Variants in DLG1 observed in about 807,000 individuals in gnomAD.
DLG1 encodes the protein disks large homolog 1.
In DLG1, 42 loss-of-function variants were observed where a neutral mutation model predicts 123.4. That is an observed-to-expected ratio of 0.34 (90% CI 0.27 to 0.44). The LOEUF is 0.44. Among genes scored for constraint, DLG1 ranks in the 20% least tolerant of loss-of-function variants. The pLI is 1.00. For synonymous variants in DLG1, 317 were observed against 356.2 expected (o/e 0.89, Z 1.24); for missense variants, 942 against 1,082.6 (o/e 0.87, Z 1.82).
intron 5 of DLG1, among the ~76,000 whole-genome samples, chr3:197,186,983 T>C (rs536183253): frequency 6.6e-6 from 1 of 152,344 alleles, no homozygotes; most frequent in African/African-American, 2.4e-5. Context: ...ACAAAGCTAA[T>C]GTAACGTAAA....
intron 18 of DLG1, chr3:197,070,979 T>C (rs1175313733): frequency 1.3e-5 from 2 of 152,226 alleles, no homozygotes; most frequent in Non-Finnish European, 2.9e-5. Flanking sequence ...ATTAGATTGA[T>C]ACATTATTTA....
intron 4 of DLG1, among the ~76,000 whole-genome samples, chr3:197,239,817 C>T (rs1747919114): frequency 7.3e-6 from 1 of 137,690 alleles, no homozygotes; most frequent in African/African-American, 2.8e-5. Context: ...TATGAAGATG[C>T]GACAGTTCAG....
At chr3:197,071,841 G>A (rs1744151485) in intron 18 of DLG1, among the ~76,000 whole-genome samples, 1 of 152,088 alleles carries the variant, frequency 6.6e-6, no homozygotes, top group Admixed American at 6.6e-5. Flanking sequence ...CTAGGAATGG[G>A]CAAACTGGTA....
chr3:197,053,306 G>C (rs1340726577), intron 23 of DLG1, among the ~76,000 whole-genome samples: 4 of 152,178 alleles, frequency 2.6e-5, no homozygotes, highest in Non-Finnish European at 4.4e-5. Context: ...CGTAAGGGAG[G>C]ACTACAGGTA....
intron 4 of DLG1, among the ~76,000 whole-genome samples, chr3:197,227,745 C>T (rs1476102558): frequency 6.6e-6 from 1 of 152,156 alleles, no homozygotes; most frequent in Middle Eastern, 3.2e-3. Context: ...CTGTTCCATT[C>T]CTACTTATGT....
chr3:197,060,162 G>C (rs899006526), intron 22 of DLG1, among the ~76,000 whole-genome samples, 164 bp from the exon 23 acceptor site: 5 of 152,296 alleles, frequency 3.3e-5, no homozygotes, highest in African/African-American at 1.2e-4. Context: ...GATAGGAAAT[G>C]AAATGGCTGA....
At chr3:197,078,067 T>G (rs1031549439) in intron 17 of DLG1, among the ~76,000 whole-genome samples, 2 of 151,324 alleles carry the variant, frequency 1.3e-5, no homozygotes, top group Non-Finnish European at 2.9e-5. Context: ...ACCCCAGCCC[T>G]TTGGTAGGCT....
intron 4 of DLG1, among the ~76,000 whole-genome samples, chr3:197,216,535 C>T (rs1734210380): frequency 6.6e-6 from 1 of 152,176 alleles, no homozygotes; most frequent in Admixed American, 6.5e-5. Context: ...CACCCACCAA[C>T]AAGTTGTGAC....
intron 5 of DLG1, among the ~76,000 whole-genome samples, chr3:197,153,458 C>CCTG (rs1201659270): frequency 5.9e-5 from 9 of 152,156 alleles, no homozygotes; most frequent in Non-Finnish European, 1.0e-4. Context: ...CTGTGTACCG[C>CCTG]CTGCACAAGC....
chr3:197,106,223 T>A (rs1424419909), intron 13 of DLG1, among the ~76,000 whole-genome samples: 1 of 152,174 alleles, frequency 6.6e-6, no homozygotes, highest in Non-Finnish European at 1.5e-5. Flanking sequence ...CTGGCCAACA[T>A]GGCAAACACC....
chr3:197,190,988 C>T (rs193229494), intron 5 of DLG1, among the ~76,000 whole-genome samples: 16 of 152,122 alleles, frequency 1.1e-4, no homozygotes, highest in East Asian at 7.7e-4. Flanking sequence ...CCAGCCTGGG[C>T]GACAGAGCGA....
intron 13 of DLG1, among the ~76,000 whole-genome samples, chr3:197,114,844 G>C (rs1772228660): frequency 6.6e-6 from 1 of 152,098 alleles, no homozygotes; most frequent in South Asian, 2.1e-4. Context: ...GCCAGGCGTG[G>C]TGGCGGGTGC....
At position 197,146,305 on chromosome 3, in the gene DLG1, T is replaced by C. The variant is rs1320045654; in HGVS notation, c.537+3438A>G. Among the ~76,000 whole-genome samples the C allele has an allele frequency of 5.3e-5, 8 of 152,106 alleles. 1 individual carries two copies. The highest frequency in any genetic ancestry group is 1.2e-4 in the Non-Finnish European group (8 of 68,014). On this transcript the variant is annotated intron_variant, in intron 6 of 24. Transcript: ENST00000667157. The stretch of plus-strand genomic sequence containing the variant: ...TTCACAGAACTAGAGAAAACATTCC[T>C]AAAATTCATATGGAACCAAAAAAGA...
intron 3 of DLG1, among the ~76,000 whole-genome samples, chr3:197,288,227 G>A (rs948540337): frequency 1.3e-5 from 2 of 151,820 alleles, no homozygotes; most frequent in African/African-American, 4.8e-5. Flanking sequence ...AGCTAGGCGT[G>A]GTGGCGCACG....
intron 4 of DLG1, among the ~76,000 whole-genome samples, chr3:197,199,096 G>A (rs1309351051): frequency 6.6e-6 from 1 of 152,094 alleles, no homozygotes. Context: ...TAAATTGATG[G>A]ATTATACATA....
intron 4 of DLG1, chr3:197,226,408 G>T (rs949841475): frequency 6.6e-6 from 1 of 152,210 alleles, no homozygotes; most frequent in Non-Finnish European, 1.5e-5. Context: ...TGCTTTGGGG[G>T]AGGGGCAAAG....
chr3:197,114,186 A>C (rs920830302), intron 13 of DLG1, among the ~76,000 whole-genome samples: 1 of 152,206 alleles, frequency 6.6e-6, no homozygotes, highest in Non-Finnish European at 1.5e-5. Flanking sequence ...CTAAGTCTTC[A>C]GAATTGATGA....
intron 14 of DLG1, among the ~76,000 whole-genome samples, chr3:197,093,924 C>T (rs1759205733): frequency 6.6e-6 from 1 of 151,990 alleles, no homozygotes; most frequent in Non-Finnish European, 1.5e-5. Context: ...ATTTGTATGC[C>T]AAAAAATGTG....
At chr3:197,144,048 T>C (rs894555242) in intron 6 of DLG1, among the ~76,000 whole-genome samples, 1 of 152,232 alleles carries the variant, frequency 6.6e-6, no homozygotes, top group Admixed American at 6.5e-5. Context: ...TGGACTGTGA[T>C]AAATTCTACT....
Sources: allele counts gnomAD v4.1 joint callset (sites outside exome capture counted in the v4.1 genomes callset), GRCh38; gene constraint gnomAD v4.1.1; transcripts MANE v1.5; gene names NCBI Gene and HGNC (gene_info 2026-07-23, HGNC 2026-07-21).